The following WNK2 variants were observed in gnomAD, a reference collection of about 807,000 sequenced individuals.
WNK2 encodes the protein serine/threonine-protein kinase WNK2.
WNK2 carries 67 observed loss-of-function variants against 192.1 expected under a neutral mutation model. The ratio of observed to expected loss-of-function variants is 0.35; its 90% CI spans 0.29 to 0.43. The LOEUF (loss-of-function observed/expected upper bound fraction) is 0.43, where lower values mean the gene tolerates loss of function less well. Among genes scored for constraint, WNK2 ranks in the 20% least tolerant of loss-of-function variants. WNK2 has a pLI of 1.00. For synonymous variants in WNK2, 1,439 were observed against 1,393.9 expected, an observed-to-expected ratio of 1.03 and a Z score of -0.72; for missense variants, 2,698 against 3,089.7, an observed-to-expected ratio of 0.87 and a Z score of 3.01.
chr9:93,275,708 T>TGGATTC (rs1224820334), intron 19 of WNK2, among the ~76,000 whole-genome samples: 1 of 152,212 alleles, frequency 6.6e-6, no homozygotes, highest in Admixed American at 6.5e-5. Flanking sequence ...GATGATGACA[T>TGGATTC]GGATTCTACA....
chr9:93,211,263 C>T lies in WNK2; in HGVS notation c.682-18433C>T, dbSNP rs375883899. On this transcript the variant is annotated intron_variant, in intron 2 of 29. Transcript: ENST00000427277. ...TCATTCACTCACTCACTCATTCACT[C>T]ATTCACTCACTCATCCACTCACTCA... 8.0e-3 allele frequency among the ~76,000 whole-genome samples: 242 copies of T among 30,322 alleles called. 7 individuals carry two copies. The highest frequency in any genetic ancestry group is 0.01 in the South Asian group (9 of 870). 19.9% of individuals were successfully genotyped at this position (30,322 alleles called of 152,430 possible). A position where few individuals can be genotyped will look rare whatever the true frequency, so the allele number is the denominator to read the frequency against.
Position 93,239,220 on chromosome 9 carries a change from G to A in WNK2, c.1323-537G>A, listed in dbSNP as rs1000761419. ...GTCTGGCTGGGGCCCCCCCAGTTCT[G>A]CAGGTCCTCACTCTCCTCCAGCTCA... On this transcript the variant is annotated intron_variant, in intron 6 of 29. Coordinates refer to ENST00000427277, the MANE Select transcript of WNK2 (RefSeq NM_006648.4). This position sits in a 1 kb window ranked among gnomAD's most constrained non-coding sequence, Gnocchi z 4.2. Among the ~76,000 whole-genome samples, 1 of 152,210 alleles carries A rather than the reference G, an allele frequency of 6.6e-6. No homozygotes were observed. Among genetic ancestry groups the A allele is most frequent in the African/African-American group, 2.4e-5 (1 of 41,458 alleles).
chr9:93,191,644 G>A (rs532874433), intron 2 of WNK2, among the ~76,000 whole-genome samples: 18 of 152,206 alleles, frequency 1.2e-4, no homozygotes, highest in African/African-American at 3.6e-4. Flanking sequence ...CTGGTACTGG[G>A]TGGGATAGAG....
At chr9:93,220,190 C>T (rs1399178007) in intron 2 of WNK2, among the ~76,000 whole-genome samples, 1 of 152,212 alleles carries the variant, frequency 6.6e-6, no homozygotes, top group African/African-American at 2.4e-5. Flanking sequence ...GTGCATATTA[C>T]TTGCTGAGGG....
rs142600218 is a variant in WNK2, at chr9:93,299,158, C to T, written c.6012C>T (p.Ser2004=). The part of the protein sequence containing the change: ...VGLTADSTGL[S]GKAVQTQQPC... ...TCACTGCAGACAGCACGGGCCTGAGCGGGAAGGCAGTGCAGACCCAGCAGC... is the reference window on the plus strand; with the variant it reads ...TCACTGCAGACAGCACGGGCCTGAGTGGGAAGGCAGTGCAGACCCAGCAGC... The change falls in exon 25 of 30, where the codon AGC becomes AGT. Residue 2004 remains serine, a synonymous_variant. Coordinates refer to ENST00000427277, the MANE Select transcript of WNK2 (RefSeq NM_006648.4). 6.8e-6 allele frequency: 11 copies of T among 1,611,266 alleles called. No individual in the cohort carries two copies. Among genetic ancestry groups the T allele is most frequent in the African/African-American group, 4.0e-5 (3 of 74,902 alleles).
intron 2 of WNK2, among the ~76,000 whole-genome samples, chr9:93,190,238 T>C (rs776357094): frequency 2.0e-5 from 3 of 152,180 alleles, no homozygotes; most frequent in African/African-American, 7.2e-5. Context: ...CGCCAAGCTC[T>C]CAGTGGTGCT....
At chr9:93,201,061 G>C (rs548462886) in intron 2 of WNK2, among the ~76,000 whole-genome samples, 1 of 152,290 alleles carries the variant, frequency 6.6e-6, no homozygotes, top group Admixed American at 6.5e-5. Context: ...TATGTGTGCA[G>C]CCCCTCCCCA....
rs1342681690 is a variant in WNK2, at chr9:93,288,912, C to A, written c.4158C>A (p.Pro1386=). The A allele has an allele frequency of 1.2e-6, 2 of 1,606,680 alleles. No individual in the cohort carries two copies. The highest frequency in any genetic ancestry group is 1.6e-4 in the Middle Eastern group (1 of 6,066). The change falls in exon 20 of 30, where the codon CCC becomes CCA. Residue 1386 remains proline (P), a synonymous_variant. Transcript: ENST00000427277. ...PPGAPPAPLA[P]SSPPVTALPQ... ...GGGCACCCCCAGCCCCTTTGGCCCCCTCCTCCCCTCCTGTGACTGCTCTGC... is the reference window on the plus strand; with the variant it reads ...GGGCACCCCCAGCCCCTTTGGCCCCATCCTCCCCTCCTGTGACTGCTCTGC...
At position 93,189,862 on chromosome 9, in the gene WNK2, G is replaced by A. The variant is rs7028518; in HGVS notation, c.681+4252G>A. Among the ~76,000 whole-genome samples, 423 of 152,354 alleles carry A rather than the reference G, an allele frequency of 2.8e-3. 4 individuals are homozygous for A. Among genetic ancestry groups the A allele is most frequent in the African/African-American group, 9.7e-3 (404 of 41,570 alleles). ...CCTCTCGTTAGAGGCCCGGCTGCCA[G>A]CCTCACCTGCTTTTAGCCCTGACCC... On this transcript the variant is annotated intron_variant, in intron 2 of 29. Coordinates refer to ENST00000427277, the MANE Select transcript of WNK2 (RefSeq NM_006648.4).
At position 93,304,880 on chromosome 9, in the gene WNK2, C is replaced by T. The variant is rs185673479; in HGVS notation, c.6215-1897C>T. 5.3e-5 allele frequency among the ~76,000 whole-genome samples: 8 copies of T among 152,308 alleles called. No homozygotes were observed. The East Asian group carries it at 1.5e-3, about 29-fold the overall frequency. On this transcript the variant is annotated intron_variant, in intron 26 of 29. Coordinates refer to ENST00000427277, the MANE Select transcript of WNK2 (RefSeq NM_006648.4). ...TCTGGAGGTCTAGGAGCCGTCTGCA[C>T]ACTGGTCACTGGGGCCCAAGTTTAG... is the stretch of plus-strand genomic sequence containing the variant.
chr9:93,301,107 AG>A (rs754863254), intron 26 of WNK2, among the ~76,000 whole-genome samples: 2 of 152,220 alleles, frequency 1.3e-5, no homozygotes, highest in Non-Finnish European at 2.9e-5. Flanking sequence ...CTCCATCTCC[AG>A]GGAAGGCTCT....
At chr9:93,226,871 A>G (rs1306379276) in intron 2 of WNK2, among the ~76,000 whole-genome samples, 1 of 151,572 alleles carries the variant, frequency 6.6e-6, no homozygotes, top group Non-Finnish European at 1.5e-5. Context: ...ACCTGGCCCC[A>G]AATGTTTCGG....
chr9:93,318,696 G>C, intron 29 of WNK2: 1 of 1,474,412 alleles, frequency 6.8e-7, no homozygotes. Flanking sequence ...ATGGAGACCT[G>C]TGGCTCTGCT....
At chr9:93,315,807 G>A (rs1268355569) in intron 28 of WNK2, 1 of 150,488 alleles carries the variant, frequency 6.6e-6, no homozygotes, top group Non-Finnish European at 1.5e-5. Flanking sequence ...GTGTGTGTGT[G>A]TGTGTGTGTG....
rs749458912 is a variant in WNK2, at chr9:93,289,065, G to A, written c.4311G>A (p.Ala1437=). The change falls in exon 20 of 30, where the codon GCG becomes GCA. Residue 1437 remains alanine (A), a synonymous_variant. Coordinates refer to ENST00000427277, the MANE Select transcript of WNK2 (RefSeq NM_006648.4). ...TSELETSQPL[A]ETHEAPLAVQ... The stretch of plus-strand genomic sequence containing the variant: ...AGCTCGAGACGTCTCAGCCACTAGC[G>A]GAGACTCACGAGGCCCCGCTTGCTG... 4.2e-5 allele frequency: 67 copies of A among 1,606,970 alleles called. No homozygotes were observed. Among genetic ancestry groups the A allele is most frequent in the Non-Finnish European group, 5.0e-5 (59 of 1,177,278 alleles).
intron 2 of WNK2, among the ~76,000 whole-genome samples, chr9:93,204,431 G>T (rs1425174858): frequency 6.6e-6 from 1 of 152,224 alleles, no homozygotes; most frequent in Non-Finnish European, 1.5e-5. Flanking sequence ...TTGGAATGGG[G>T]GCCAGAAAGG....
chr9:93,206,568 A>G (rs1203076062), intron 2 of WNK2, among the ~76,000 whole-genome samples: 1 of 139,896 alleles, frequency 7.1e-6, no homozygotes, highest in Admixed American at 7.1e-5. Context: ...GGATGGGACA[A>G]CACCATGGAG....
intron 8 of WNK2, among the ~76,000 whole-genome samples, chr9:93,248,882 G>A (rs187969074): frequency 4.6e-5 from 7 of 152,158 alleles, no homozygotes; most frequent in African/African-American, 1.4e-4. Context: ...GGACCTGCCC[G>A]GGCCAATATT....
intron 19 of WNK2, among the ~76,000 whole-genome samples, chr9:93,279,475 C>T (rs1395405405): frequency 6.6e-6 from 1 of 152,176 alleles, no homozygotes; most frequent in Non-Finnish European, 1.5e-5. Context: ...TCAGAAGACA[C>T]AGTATTGTTA....
Sources: gnomAD v4.1 joint callset for allele counts (sites outside exome capture counted in the v4.1 genomes callset) on GRCh38, gnomAD v4.1.1 for gene constraint, Gnocchi (gnomAD v3.1) non-coding constraint, MANE v1.5 for transcripts, NCBI Gene and HGNC (gene_info 2026-07-23, HGNC 2026-07-21) for gene names.